LRP1B: variants seen among roughly 807,000 people sequenced by gnomAD.
LRP1B encodes low-density lipoprotein receptor-related protein 1B.
In LRP1B, 217 loss-of-function variants were observed where a neutral mutation model predicts 556.6. That is an observed-to-expected ratio of 0.39 (90% CI 0.35 to 0.44). The LOEUF (loss-of-function observed/expected upper bound fraction) is 0.44, where lower values mean the gene tolerates loss of function less well. Among genes scored for constraint, LRP1B ranks in the 20% least tolerant of loss-of-function variants. LRP1B has a pLI of 1.00. For synonymous variants in LRP1B, 2,047 were observed against 1,865.8 expected, an observed-to-expected ratio of 1.10 and a Z score of -2.50; for missense variants, 5,053 against 5,620.8, an observed-to-expected ratio of 0.90 and a Z score of 3.23.
At chr2:140,976,674 A>AT (rs1433835837) in intron 18 of LRP1B, among the ~76,000 whole-genome samples, 2 of 150,610 alleles carry the variant, frequency 1.3e-5, no homozygotes, top group Admixed American at 6.6e-5. Context: ...CGCCCCACTA[A>AT]TTTTTTTGCT....
chr2:140,627,410 T>G (rs1213140664), intron 41 of LRP1B, among the ~76,000 whole-genome samples: 1 of 152,152 alleles, frequency 6.6e-6, no homozygotes, highest in Non-Finnish European at 1.5e-5. Context: ...TTTTCTTCTG[T>G]GCTGAATGCT....
intron 11 of LRP1B, among the ~76,000 whole-genome samples, chr2:141,024,089 A>G (rs186812105): frequency 6.6e-5 from 10 of 152,112 alleles, no homozygotes; most frequent in Admixed American, 3.3e-4. Flanking sequence ...GTACATTTCA[A>G]TATGGTCTGA....
chr2:140,241,794 T>G (rs745932125), intron 87 of LRP1B, among the ~76,000 whole-genome samples: 13 of 150,952 alleles, frequency 8.6e-5, no homozygotes, highest in Admixed American at 1.3e-4. Flanking sequence ...AATAAGTACT[T>G]TTTCCCTAGT....
At chr2:141,745,733 C>G (rs899411377) in intron 2 of LRP1B, among the ~76,000 whole-genome samples, 2 of 151,792 alleles carry the variant, frequency 1.3e-5, no homozygotes, top group African/African-American at 4.8e-5. Flanking sequence ...TTTCCTTCAG[C>G]TTTTCTCAAG....
chr2:141,697,035 T>C (rs1429582319), intron 2 of LRP1B, among the ~76,000 whole-genome samples: 1 of 151,980 alleles, frequency 6.6e-6, no homozygotes, highest in African/African-American at 2.4e-5. Flanking sequence ...CAGTCATTTT[T>C]ATAAATAAGC....
intron 35 of LRP1B, among the ~76,000 whole-genome samples, chr2:140,729,891 TA>T (rs1687718943): frequency 6.6e-6 from 1 of 152,166 alleles, no homozygotes; most frequent in South Asian, 2.1e-4. Context: ...ATTATTACAA[TA>T]AAAAAGTTCA....
chr2:141,718,281 T>A (rs936035992), intron 2 of LRP1B, among the ~76,000 whole-genome samples: 19 of 152,204 alleles, frequency 1.2e-4, no homozygotes, highest in African/African-American at 4.1e-4. Flanking sequence ...TTTCATGACC[T>A]ACCTGGCTAT....
chr2:140,467,927 G>A (rs1687616626), intron 60 of LRP1B, among the ~76,000 whole-genome samples: 1 of 152,192 alleles, frequency 6.6e-6, no homozygotes, highest in Non-Finnish European at 1.5e-5. Flanking sequence ...AAAATCGTCA[G>A]CCTGGCCATC....
intron 1 of LRP1B, among the ~76,000 whole-genome samples, chr2:141,824,016 A>G (rs1049477493): frequency 2.6e-5 from 4 of 152,126 alleles, no homozygotes; most frequent in Non-Finnish European, 5.9e-5. Flanking sequence ...ATAGTTAGAA[A>G]TTAGTTTAGA....
At chr2:141,314,106 G>T (rs1258747418) in intron 3 of LRP1B, among the ~76,000 whole-genome samples, 2 of 152,018 alleles carry the variant, frequency 1.3e-5, no homozygotes, top group African/African-American at 4.8e-5. Context: ...GAAAACAAAA[G>T]CTTCTGGACA....
intron 43 of LRP1B, among the ~76,000 whole-genome samples, chr2:140,588,982 A>C (rs988679272): frequency 6.8e-6 from 1 of 147,134 alleles, no homozygotes; most frequent in African/African-American, 2.5e-5. Context: ...AAAAAAAAAA[A>C]GATGGACATC....
At chr2:140,892,904 A>G (rs1369890463) in intron 23 of LRP1B, among the ~76,000 whole-genome samples, 1 of 152,184 alleles carries the variant, frequency 6.6e-6, no homozygotes, top group East Asian at 1.9e-4. Context: ...TGTAATATGT[A>G]TAATACCAAT....
At position 140,367,250 on chromosome 2, in the gene LRP1B, A is replaced by T. The variant is rs990990465; in HGVS notation, c.11009-2467T>A. ...TGGTATGATTAATGGCAGAAACATG[A>T]TTAGGAAAACAAGGGCAAACTGCTT... On this transcript the variant is annotated intron_variant, in intron 71 of 90. Coordinates refer to ENST00000389484, the MANE Select transcript of LRP1B (RefSeq NM_018557.3). 9.2e-5 allele frequency among the ~76,000 whole-genome samples: 14 copies of T among 151,936 alleles called. No homozygotes were observed. The South Asian group carries it at 2.3e-3, about 25-fold the overall frequency.
At chr2:140,848,066 G>A (rs975974685) in intron 29 of LRP1B, among the ~76,000 whole-genome samples, 3 of 151,766 alleles carry the variant, frequency 2.0e-5, no homozygotes, top group Admixed American at 6.6e-5. Context: ...GAGCCTTTTG[G>A]ATAATATTAA....
At chr2:140,992,934 T>C (rs2105357353) in intron 16 of LRP1B, among the ~76,000 whole-genome samples, 1 of 152,156 alleles carries the variant, frequency 6.6e-6, no homozygotes, top group East Asian at 1.9e-4. Context: ...GAAAATGCAG[T>C]CCTATATTTA....
chr2:142,081,833 T>C (rs1039467405), intron 1 of LRP1B, among the ~76,000 whole-genome samples: 1 of 152,184 alleles, frequency 6.6e-6, no homozygotes, highest in Non-Finnish European at 1.5e-5. Flanking sequence ...ATGGGGTTTT[T>C]GAAACTCTCA....
chr2:141,282,543 G>A (rs1573750843), intron 3 of LRP1B, among the ~76,000 whole-genome samples: 1 of 142,966 alleles, frequency 7.0e-6, no homozygotes, highest in Non-Finnish European at 1.5e-5. Context: ...AGGAAGGAGA[G>A]AATATACATA....
At chr2:141,888,890 A>G (rs1991998) in intron 1 of LRP1B, among the ~76,000 whole-genome samples, 66,115 of 151,980 alleles carry the variant, frequency 0.44, 14,586 homozygotes, top group Admixed American at 0.51. Flanking sequence ...ATGCAGAGCT[A>G]TTGACGGCCA....
intron 32 of LRP1B, among the ~76,000 whole-genome samples, chr2:140,801,184 C>T (rs149108176): frequency 8.1e-4 from 123 of 152,126 alleles, no homozygotes; most frequent in African/African-American, 2.8e-3. Context: ...TATGGAGAAG[C>T]GAGACCTGTT....
Sources: allele counts gnomAD v4.1 joint callset (sites outside exome capture counted in the v4.1 genomes callset), GRCh38; gene constraint gnomAD v4.1.1; transcripts MANE v1.5; gene names NCBI Gene and HGNC (gene_info 2026-07-23, HGNC 2026-07-21).